SLC5A9: variants seen among roughly 807,000 people sequenced by gnomAD.
The protein encoded by SLC5A9 is solute carrier family 5 member 9, also known as sodium/glucose cotransporter 4.
SLC5A9 carries 59 observed loss-of-function variants against 70.9 expected under a neutral mutation model. The ratio of observed to expected loss-of-function variants is 0.83; its 90% CI spans 0.68 to 1.03. SLC5A9 has a LOEUF of 1.03. Among genes scored for constraint, SLC5A9 ranks in the 50% least tolerant of loss-of-function variants. SLC5A9 has a pLI of 0.00. For missense variants in SLC5A9, 832 were observed against 881.1 expected (o/e 0.94, Z 0.71); for synonymous variants, 340 against 346.5 (o/e 0.98, Z 0.21).
rs2148593882 is a variant in SLC5A9 at position 48,247,517 on chromosome 1, A to G, written c.2020A>G (p.Ile674Val). ...TGCTGTCCTTTTGCTGGCCATCAAC[A>G]TCTTCCTCTGGGGCTATTTTGCGTG... Reference protein sequence around the residue: ...INAVLLLAINIFLWGYFA With the variant: ...INAVLLLAINVFLWGYFA The change falls in exon 14 of 14, where the codon ATC becomes GTC. Residue 674 changes from isoleucine (I) to valine (V), a missense_variant. Coordinates refer to ENST00000438567, the MANE Select transcript of SLC5A9 (RefSeq NM_001011547.3). 1 of 1,614,146 alleles carries G rather than the reference A, an allele frequency of 6.2e-7. No individual in the cohort carries two copies. The highest frequency in any genetic ancestry group is 1.3e-5 in the African/African-American group (1 of 75,016).
chr1:48,224,832 G>T (rs1443513297), intron 2 of SLC5A9, 37 bp downstream of exon 2: 1 of 1,594,612 alleles, frequency 6.3e-7, no homozygotes, highest in Non-Finnish European at 8.6e-7. Flanking sequence ...TAGTGCAGAG[G>T]CTCCCAACTT....
intron 9 of SLC5A9, among the ~76,000 whole-genome samples, chr1:48,235,335 T>A (rs1644311450): frequency 6.6e-6 from 1 of 152,192 alleles, no homozygotes; most frequent in Non-Finnish European, 1.5e-5. Flanking sequence ...ATCACCTTTC[T>A]CTTCTCCCCA....
intron 1 of SLC5A9, 102 bp from the exon 2 acceptor site, chr1:48,224,622 C>T (rs1644117860): frequency 1.7e-6 from 2 of 1,158,976 alleles, no homozygotes; most frequent in East Asian, 2.4e-5. Flanking sequence ...CCTCTGTGTC[C>T]CCACAGTGCC....
intron 8 of SLC5A9, among the ~76,000 whole-genome samples, chr1:48,232,957 AGG>A (rs1034174494): frequency 3.3e-4 from 46 of 138,554 alleles, no homozygotes; most frequent in Non-Finnish European, 7.0e-4. Flanking sequence ...GAAGAAAAAA[AGG>A]AGGAGGAGGA....
chr1:48,242,664 G>A (rs540244720), intron 13 of SLC5A9, 48 bp downstream of exon 13: 1 of 1,537,292 alleles, frequency 6.5e-7, no homozygotes, highest in Non-Finnish European at 8.8e-7. Context: ...GAACAGGGGG[G>A]ACAGACCTAT....
chr1:48,242,292 A>C (rs2148587310), intron 12 of SLC5A9, 165 bp from the exon 13 acceptor site: 7 of 753,618 alleles, frequency 9.3e-6, no homozygotes, highest in South Asian at 8.8e-5. Flanking sequence ...TATTTGAAGA[A>C]AGAGGAAGTC....
chr1:48,233,222 G>A (rs956877274), intron 8 of SLC5A9, among the ~76,000 whole-genome samples: 6 of 151,740 alleles, frequency 4.0e-5, no homozygotes, highest in Admixed American at 2.0e-4. Flanking sequence ...TTAGCCGGGC[G>A]TGATGGCACA....
At position 48,239,331 on chromosome 1, in the gene SLC5A9, T is replaced by C; in HGVS notation, c.1471T>C (p.Trp491Arg). 1.9e-6 allele frequency: 3 copies of C among 1,610,086 alleles called. No homozygotes were observed. The highest frequency in any genetic ancestry group is 2.5e-6 in the Non-Finnish European group (3 of 1,177,172). Residue 491 changes from tryptophan (W) to arginine (R), a missense_variant, in exon 12 of 14, where the codon TGG (tryptophan) becomes CGG (arginine). By Grantham distance (101) the Trp-to-Arg change is moderately radical (BLOSUM62 -3). Transcript: ENST00000438567. The surrounding 1 kb of genome is among the most constrained non-coding windows in gnomAD (Gnocchi z 4.2). ...CKRVTEPGAF[W>R]GLVFGLGVGL... ...CTGCCCTCTCTCACAGGGAGCTTTC[T>C]GGGGCCTCGTGTTTGGCCTGGGAGT...
At chr1:48,231,412 A>T in intron 5 of SLC5A9, 133 bp from the exon 6 acceptor site, 1 of 1,078,360 alleles carries the variant, frequency 9.3e-7, no homozygotes, top group Non-Finnish European at 1.3e-6. Context: ...GGAGAAAGGC[A>T]GTGGCCAGAG....
rs1355542524 is a variant in SLC5A9 at position 48,235,892 on chromosome 1, C to G, written c.1292+13C>G. 7 of 1,613,888 alleles carry G rather than the reference C, an allele frequency of 4.3e-6. No homozygotes were observed. Among genetic ancestry groups the G allele is most frequent in the Non-Finnish European group, 5.9e-6 (7 of 1,179,976 alleles). Reference sequence around the variant, plus strand: ...TGGTGGTGGGCAGGTGCGCCGGCCCCTCCTTCCCTCCTTCCGAAGTGCCCT... The same window carrying G: ...TGGTGGTGGGCAGGTGCGCCGGCCCGTCCTTCCCTCCTTCCGAAGTGCCCT... On this transcript the variant is annotated intron_variant, in intron 10 of 13. Transcript: ENST00000438567.
intron 9 of SLC5A9, 103 bp from the exon 10 acceptor site, chr1:48,235,626 A>G: frequency 7.2e-7 from 1 of 1,394,504 alleles, no homozygotes; most frequent in Non-Finnish European, 9.8e-7. Flanking sequence ...TCTCATCCCC[A>G]CCCCCAGCTC....
rs966054090 is a variant in SLC5A9 at position 48,248,214 on chromosome 1, C to G, written c.*671C>G. On this transcript the variant is annotated 3_prime_UTR_variant, in exon 14 of 14. Transcript: ENST00000438567. ...TTTAAATTCTGCCTCTTCCTACTCTCTAACCCAAATATGCACAAACTCTCT... is the reference window on the plus strand; with the variant it reads ...TTTAAATTCTGCCTCTTCCTACTCTGTAACCCAAATATGCACAAACTCTCT... 6.5e-6 allele frequency: 1 copy of G among 152,976 alleles called. No homozygotes were observed. The highest frequency in any genetic ancestry group is 1.5e-5 in the Non-Finnish European group (1 of 68,654). The allele number at this position is 152,976 out of a possible 1,614,324, so 9.5% of individuals were successfully genotyped here.
At chr1:48,245,443 A>G (rs911571078) in intron 13 of SLC5A9, among the ~76,000 whole-genome samples, 2 of 152,140 alleles carry the variant, frequency 1.3e-5, no homozygotes, top group African/African-American at 4.8e-5. Context: ...AGCAAGAAAA[A>G]GGAGGCACCA....
In SLC5A9 at chr1:48,242,711, G is replaced by A. The variant is rs74077914; in HGVS notation, c.1837+95G>A. On this transcript the variant is annotated intron_variant, in intron 13 of 13. Transcript: ENST00000438567. ...TCTTTGGGATGGGGACTCTGAGGGA[G>A]CCCAATAAATATCACCCTAACTCCT... is the stretch of plus-strand genomic sequence containing the variant. The A allele has an allele frequency of 6.3e-5, 77 of 1,222,250 alleles. No individual in the cohort carries two copies. In the Middle Eastern group the frequency reaches 1.2e-3, roughly 19 times the overall value. 75.7% of individuals were successfully genotyped at this position (1,222,250 alleles called of 1,614,324 possible). A position where few individuals can be genotyped will look rare whatever the true frequency, so the allele number is the denominator to read the frequency against.
chr1:48,224,883 C>A, intron 2 of SLC5A9, 88 bp downstream of exon 2: 2 of 1,306,510 alleles, frequency 1.5e-6, no homozygotes, highest in Non-Finnish European at 2.2e-6. Flanking sequence ...CATCTTCTCA[C>A]ACCTGGACCA....
intron 13 of SLC5A9, 29 bp from the exon 14 acceptor site, chr1:48,247,306 T>TCC: frequency 6.2e-7 from 1 of 1,606,926 alleles, no homozygotes; most frequent in Non-Finnish European, 8.5e-7. Context: ...CCTCCTGCTC[T>TCC]CCTTTGTCTT....
At chr1:48,226,550 A>T (rs377334343) in intron 2 of SLC5A9, among the ~76,000 whole-genome samples, 2 of 152,180 alleles carry the variant, frequency 1.3e-5, no homozygotes, top group African/African-American at 4.8e-5. Context: ...CAGAGTAAGA[A>T]CCAGCTCTGG....
chr1:48,230,784 A>G (rs1644237477), intron 5 of SLC5A9, 79 bp downstream of exon 5: 1 of 1,043,062 alleles, frequency 9.6e-7, no homozygotes, highest in African/African-American at 1.6e-5. Flanking sequence ...AGAGACAACC[A>G]GAGAGAGAGA....
intron 2 of SLC5A9, among the ~76,000 whole-genome samples, chr1:48,227,176 C>CGG (rs1644163185): frequency 1.1e-5 from 1 of 90,008 alleles, no homozygotes; most frequent in Non-Finnish European, 2.4e-5. Context: ...AGTGTGTGTG[C>CGG]GTGTGTGTGT....
Sources: gnomAD v4.1 joint callset for allele counts (sites outside exome capture counted in the v4.1 genomes callset) on GRCh38, gnomAD v4.1.1 for gene constraint, Gnocchi (gnomAD v3.1) non-coding constraint, MANE v1.5 for transcripts, NCBI Gene and HGNC (gene_info 2026-07-23, HGNC 2026-07-21) for gene names.